Variants in MAP2 observed in about 807,000 individuals in gnomAD.
The protein encoded by MAP2 is microtubule associated protein 2.
Under a neutral mutation model 137.6 loss-of-function variants are expected in MAP2, and 14 were observed. That is an observed-to-expected ratio of 0.10 (90% CI 0.07 to 0.16). The LOEUF (loss-of-function observed/expected upper bound fraction) is 0.16, where lower values mean the gene tolerates loss of function less well. MAP2 is among the 10% of genes least tolerant of loss of function. MAP2 has a pLI of 1.00. For synonymous variants in MAP2, 786 were observed against 782.3 expected, an observed-to-expected ratio of 1.00 and a Z score of -0.08; for missense variants, 2,088 against 2,191.5, an observed-to-expected ratio of 0.95 and a Z score of 0.94.
At chr2:209,480,433 GATACGTGGA>G (rs1708441140) in intron 1 of MAP2, among the ~76,000 whole-genome samples, 1 of 152,100 alleles carries the variant, frequency 6.6e-6, no homozygotes, top group Non-Finnish European at 1.5e-5. Flanking sequence ...TGAGTCTGTG[GATACGTGGA>G]AAAAATATTT....
At chr2:209,464,958 A>G (rs1413033998) in intron 1 of MAP2, among the ~76,000 whole-genome samples, 3 of 152,084 alleles carry the variant, frequency 2.0e-5, no homozygotes, top group Non-Finnish European at 4.4e-5. Flanking sequence ...GTAAATATAT[A>G]CTGTTCTGTA....
At chr2:209,624,308 A>G (rs1160617175) in intron 3 of MAP2, among the ~76,000 whole-genome samples, 1 of 152,180 alleles carries the variant, frequency 6.6e-6, no homozygotes, top group African/African-American at 2.4e-5. Context: ...CTAGTATAAG[A>G]GAGCTGGACT....
At chr2:209,508,671 G>T (rs532985388) in intron 2 of MAP2, among the ~76,000 whole-genome samples, 1 of 150,616 alleles carries the variant, frequency 6.6e-6, no homozygotes, top group African/African-American at 2.4e-5. Context: ...TCCTATCTTC[G>T]AAATCTGTAT....
At chr2:209,497,848 C>T (rs1559238761) in intron 1 of MAP2, among the ~76,000 whole-genome samples, 1 of 152,162 alleles carries the variant, frequency 6.6e-6, no homozygotes, top group Non-Finnish European at 1.5e-5. Flanking sequence ...TACTAGGCCC[C>T]ACCTCCAGCA....
intron 7 of MAP2, among the ~76,000 whole-genome samples, chr2:209,684,974 G>A (rs2056440778): frequency 1.3e-5 from 2 of 152,182 alleles, no homozygotes; most frequent in South Asian, 2.1e-4. Flanking sequence ...TGAAGACACA[G>A]ATGCTAAGAT....
chr2:209,630,141 A>G (rs2153545261), intron 4 of MAP2, among the ~76,000 whole-genome samples: 1 of 152,064 alleles, frequency 6.6e-6, no homozygotes, highest in Middle Eastern at 3.4e-3. Context: ...GCTATAAGTC[A>G]CTTTGCTTAA....
intron 2 of MAP2, among the ~76,000 whole-genome samples, chr2:209,554,097 G>T (rs954412620): frequency 1.3e-5 from 2 of 152,144 alleles, no homozygotes; most frequent in Non-Finnish European, 2.9e-5. Flanking sequence ...GAGAATGAAG[G>T]CATGACAGAA....
At chr2:209,477,329 A>G (rs1452435438) in intron 1 of MAP2, among the ~76,000 whole-genome samples, 1 of 152,190 alleles carries the variant, frequency 6.6e-6, no homozygotes, top group East Asian at 1.9e-4. Flanking sequence ...AAAATGTTAT[A>G]TTGAAAAAAA....
chr2:209,562,216 A>G (rs1326588311), intron 2 of MAP2, among the ~76,000 whole-genome samples: 1 of 152,126 alleles, frequency 6.6e-6, no homozygotes, highest in Non-Finnish European at 1.5e-5. Flanking sequence ...ACATGAACAC[A>G]TATGTGATTC....
intron 1 of MAP2, among the ~76,000 whole-genome samples, chr2:209,441,505 C>G (rs1362883434): frequency 1.3e-5 from 2 of 151,498 alleles, no homozygotes; most frequent in African/African-American, 4.8e-5. Context: ...AGGAGGTATC[C>G]CCAAAGGATT....
chr2:209,686,198 G>A (rs1010660703), intron 7 of MAP2, among the ~76,000 whole-genome samples: 1 of 152,164 alleles, frequency 6.6e-6, no homozygotes, highest in East Asian at 1.9e-4. Context: ...AATATCAAAC[G>A]TTATTTTAGG....
At chr2:209,689,193 TTAAAA>T in intron 7 of MAP2, among the ~76,000 whole-genome samples, 1 of 152,094 alleles carries the variant, frequency 6.6e-6, no homozygotes. Flanking sequence ...AAAAATTTTC[TTAAAA>T]TAACAAGTTA....
intron 1 of MAP2, among the ~76,000 whole-genome samples, chr2:209,427,944 G>T (rs1693032244): frequency 6.6e-6 from 1 of 152,244 alleles, no homozygotes; most frequent in South Asian, 2.1e-4. Flanking sequence ...CTAAGAGGGT[G>T]AAGAAGGAAT....
chr2:209,464,958 A>T (rs1413033998), intron 1 of MAP2, among the ~76,000 whole-genome samples: 1 of 152,084 alleles, frequency 6.6e-6, no homozygotes, highest in East Asian at 1.9e-4. Flanking sequence ...GTAAATATAT[A>T]CTGTTCTGTA....
chr2:209,563,597 T>C (rs964785078), intron 2 of MAP2, among the ~76,000 whole-genome samples: 15 of 152,168 alleles, frequency 9.9e-5, no homozygotes, highest in Admixed American at 5.9e-4. Context: ...CCTTGGCCTC[T>C]CTCAGACTAA....
At chr2:209,668,802 G>A (rs996470117) in intron 5 of MAP2, among the ~76,000 whole-genome samples, 29 of 151,954 alleles carry the variant, frequency 1.9e-4, no homozygotes, top group African/African-American at 6.8e-4. Flanking sequence ...TTATTTTACA[G>A]CATTATTAAA....
chr2:209,624,716 A>G (rs1468250511), intron 3 of MAP2, among the ~76,000 whole-genome samples: 2 of 152,194 alleles, frequency 1.3e-5, no homozygotes, highest in Admixed American at 6.6e-5. Flanking sequence ...CTCTTGGGAG[A>G]AAATATGATT....
intron 3 of MAP2, among the ~76,000 whole-genome samples, chr2:209,596,532 G>T (rs1395566134): frequency 3.9e-5 from 6 of 152,158 alleles, no homozygotes; most frequent in Admixed American, 2.0e-4. Context: ...AAGGCCTTAT[G>T]CAAAGGAATG....
chr2:209,530,812 ATAGATAATAAC>A (rs2064998222), intron 2 of MAP2, among the ~76,000 whole-genome samples: 1 of 152,174 alleles, frequency 6.6e-6, no homozygotes, highest in Non-Finnish European at 1.5e-5. Flanking sequence ...TCCAGGTCAC[ATAGATAATAAC>A]AAATAGGGTT....
Sources: gnomAD v4.1 joint callset for allele counts (sites outside exome capture counted in the v4.1 genomes callset) on GRCh38, gnomAD v4.1.1 for gene constraint, MANE v1.5 for transcripts, NCBI Gene and HGNC (gene_info 2026-07-23, HGNC 2026-07-21) for gene names.